Variants in GCN1 observed in about 807,000 individuals in gnomAD.
GCN1 encodes the protein stalled ribosome sensor GCN1.
Under a neutral mutation model 288.4 loss-of-function variants are expected in GCN1, and 90 were observed. The observed-to-expected ratio is 0.31, with a 90% CI of 0.26 to 0.37. GCN1 has a LOEUF of 0.37. Among genes scored for constraint, GCN1 ranks in the 10% least tolerant of loss-of-function variants. The pLI is 1.00. For missense variants in GCN1, 2,586 were observed against 3,419.9 expected, an observed-to-expected ratio of 0.76 and a Z score of 6.08; for synonymous variants, 1,386 against 1,420.2, an observed-to-expected ratio of 0.98 and a Z score of 0.54.
chr12:120,184,613 T>C (rs1878764977), intron 3 of GCN1, among the ~76,000 whole-genome samples: 1 of 151,986 alleles, frequency 6.6e-6, no homozygotes, highest in African/African-American at 2.4e-5. Flanking sequence ...CAACCACCCA[T>C]GAGATAGAGA....
intron 34 of GCN1, among the ~76,000 whole-genome samples, chr12:120,150,362 T>C (rs1390156137): frequency 6.6e-6 from 1 of 151,904 alleles, no homozygotes; most frequent in Non-Finnish European, 1.5e-5. Context: ...TTTGGGAGGC[T>C]GAGGCAGGCA....
Position 120,161,757 on chromosome 12 carries a change from C to T in GCN1, c.2342+123G>A, listed in dbSNP as rs532125030. 6.5e-5 allele frequency: 67 copies of T among 1,035,274 alleles called. 1 individual carries two copies. Among genetic ancestry groups the T allele is most frequent in the South Asian group, 5.4e-4 (37 of 68,858 alleles). 64.1% of individuals were successfully genotyped at this position (1,035,274 alleles called of 1,614,324 possible). ...AGCACCGTGCCGGGGACACAACAGG[C>T]GCTTAGCCAATGAATGGATAGGCTG... is the stretch of plus-strand genomic sequence containing the variant. On this transcript the variant is annotated intron_variant, in intron 21 of 57. Coordinates refer to ENST00000300648, the MANE Select transcript of GCN1 (RefSeq NM_006836.2).
In GCN1 at chr12:120,130,711, T is replaced by C; in HGVS notation, c.7606A>G (p.Met2536Val). 6.2e-7 allele frequency: 1 copy of C among 1,612,224 alleles called. No homozygotes were observed. The highest frequency in any genetic ancestry group is 8.5e-7 in the Non-Finnish European group (1 of 1,178,346). The change falls in exon 56 of 58, where the codon ATG becomes GTG. Residue 2536 changes from methionine (M) to valine (V), a missense_variant. Physicochemically the swap from Met to Val is conservative, Grantham distance 21. Coordinates refer to ENST00000300648, the MANE Select transcript of GCN1 (RefSeq NM_006836.2). The part of the protein sequence containing the change: ...VSGVRGMGFL[M>V]RHHIETGGGQ... ...CCGCCTGTCTCGATGTGGTGTCTCA[T>C]GAGAAAGCCCATGCCCCGGACCCCG...
At position 120,175,209 on chromosome 12, in the gene GCN1, G is replaced by A. The variant is rs749959129; in HGVS notation, c.1046C>T (p.Ser349Leu). 21 of 1,610,722 alleles carry A rather than the reference G, an allele frequency of 1.3e-5. No individual in the cohort carries two copies. The highest frequency in any genetic ancestry group is 3.3e-5 in the Admixed American group (2 of 59,830). The part of the protein sequence containing the change: ...TKHLFAILGG[S>L]EGKLTVVAQK... ...GGCTACAACAGTTAGTTTTCCTTCC[G>A]AGCCTGAGAAGAGAGACAGCAAAGA... Residue 349 changes from serine (S) to leucine (L), a missense_variant, in exon 12 of 58, where the codon TCG becomes TTG. By Grantham distance (145) the Ser-to-Leu change is moderately radical. Transcript: ENST00000300648.
In GCN1 at chr12:120,155,142, G is replaced by A. The variant is rs1594271770; in HGVS notation, c.3630+99C>T. The A allele has an allele frequency of 1.3e-5, 20 of 1,520,146 alleles. No homozygotes were observed. Among genetic ancestry groups the A allele is most frequent in the Admixed American group, 3.4e-5 (2 of 59,682 alleles). The allele number at this position is 1,520,146 out of a possible 1,614,324, so 94.2% of individuals were successfully genotyped here. A position where few individuals can be genotyped will look rare whatever the true frequency, so the allele number is the denominator to read the frequency against. On this transcript the variant is annotated intron_variant, in intron 30 of 57. Coordinates refer to ENST00000300648, the MANE Select transcript of GCN1 (RefSeq NM_006836.2). The surrounding 1 kb of genome is among the most constrained non-coding windows in gnomAD (Gnocchi z 4.9). ...CTAGCCGCAGCTACCCTGAGCCACC[G>A]TGAGCCCCGAGATTCCTGTCTGGAG...
chr12:120,174,216 A>G, intron 12 of GCN1, 47 bp from the exon 13 acceptor site: 1 of 1,105,418 alleles, frequency 9.0e-7, no homozygotes, highest in Non-Finnish European at 1.4e-6. Flanking sequence ...ACAGAACCAC[A>G]GAGGCAAGTC....
intron 20 of GCN1, 31 bp from the exon 21 acceptor site, chr12:120,162,089 G>A: frequency 4.4e-6 from 7 of 1,600,164 alleles, no homozygotes; most frequent in Non-Finnish European, 4.3e-6. Context: ...TGGTCAGTGT[G>A]TGCCAAGGCT....
At position 120,194,590 on chromosome 12, in the gene GCN1, C is replaced by T. The variant is rs1879111061; in HGVS notation, c.18+90G>A. ...CTCCACAGCCACCACCTCCAACGCC[C>T]CTAAGCCGAGGAGCGAGAGGGGCCC... On this transcript the variant is annotated intron_variant, in intron 1 of 57. Transcript: ENST00000300648. 6 of 1,226,132 alleles carry T rather than the reference C, an allele frequency of 4.9e-6. No individual in the cohort carries two copies. In the Admixed American group the frequency reaches 6.4e-5, roughly 13 times the overall value. 76.0% of individuals were successfully genotyped at this position (1,226,132 alleles called of 1,614,324 possible). A position where few individuals can be genotyped will look rare whatever the true frequency, so the allele number is the denominator to read the frequency against.
intron 51 of GCN1, among the ~76,000 whole-genome samples, chr12:120,135,522 C>T (rs1031532734): frequency 6.6e-6 from 1 of 152,110 alleles, no homozygotes; most frequent in African/African-American, 2.4e-5. Context: ...CGCCACAATG[C>T]CCGGCTAATT....
chr12:120,164,847 G>A (rs543937611), intron 16 of GCN1, 126 bp from the exon 17 acceptor site: 6 of 568,200 alleles, frequency 1.1e-5, no homozygotes, highest in African/African-American at 1.9e-5. Context: ...ATTATCACTC[G>A]AAGTGAAATT....
intron 34 of GCN1, 128 bp from the exon 35 acceptor site, chr12:120,150,171 A>T: frequency 1.2e-6 from 1 of 839,606 alleles, no homozygotes. Flanking sequence ...CAGCTGTGGA[A>T]CTAGTAGATG....
chr12:120,163,144 C>T lies in GCN1; in HGVS notation c.1964G>A (p.Gly655Glu). 1 of 1,614,212 alleles carries T rather than the reference C, an allele frequency of 6.2e-7. No homozygotes were observed. The highest frequency in any genetic ancestry group is 8.5e-7 in the Non-Finnish European group (1 of 1,180,038). ...EALCVISGVP[G>E]LKGDVTDTEQ... is the part of the protein sequence containing the mutation. Reference sequence around the variant, plus strand: ...AGTGTCGGTGACATCACCCTTGAGCCCTGGCACACCGGAGATGACACACAG... The same window carrying T: ...AGTGTCGGTGACATCACCCTTGAGCTCTGGCACACCGGAGATGACACACAG... Residue 655 changes from glycine to glutamate, a missense_variant, in exon 19 of 58, where the codon GGG becomes GAG. Transcript: ENST00000300648.
chr12:120,138,695 C>T lies in GCN1; in HGVS notation c.6156G>A (p.Leu2052=). The change falls in exon 46 of 58, where the codon CTG becomes CTA. Residue 2052 remains leucine (L), a splice_region_variant and synonymous_variant. Coordinates refer to ENST00000300648, the MANE Select transcript of GCN1 (RefSeq NM_006836.2). ...EDILPFLLKQ[L]DDEEVSEFAL... is the part of the protein sequence containing the mutation. ...GTAGGTGTGTGGTAGATCCACTCACCAGCTGCTTTAGTAAAAATGGGAGAA... is the reference window on the plus strand; with the variant it reads ...GTAGGTGTGTGGTAGATCCACTCACTAGCTGCTTTAGTAAAAATGGGAGAA... 1 of 1,612,816 alleles carries T rather than the reference C, an allele frequency of 6.2e-7. No homozygotes were observed. Among genetic ancestry groups the T allele is most frequent in the Non-Finnish European group, 8.5e-7 (1 of 1,179,032 alleles).
rs772250793 is a variant in GCN1 at position 120,134,606 on chromosome 12, T to A, written c.7129A>T (p.Ile2377Phe). Reference sequence around the variant, plus strand: ...AAGAGGGGGTCCACCTTAATGTGGATGGAAATGAGCTTCCCCAGAGCATCT... The same window carrying A: ...AAGAGGGGGTCCACCTTAATGTGGAAGGAAATGAGCTTCCCCAGAGCATCT... ...AADALGKLIS[I>F]HIKVDPLFTE... The change falls in exon 52 of 58, where the codon ATC becomes TTC. Residue 2377 changes from isoleucine to phenylalanine, a missense_variant. Physicochemically the swap from Ile to Phe is conservative, Grantham distance 21 (BLOSUM62 0). Coordinates refer to ENST00000300648, the MANE Select transcript of GCN1 (RefSeq NM_006836.2). This position sits in a 1 kb window ranked among gnomAD's most constrained non-coding sequence, Gnocchi z 5.0. 3 of 1,614,074 alleles carry A rather than the reference T, an allele frequency of 1.9e-6. No homozygotes were observed. The highest frequency in any genetic ancestry group is 2.5e-6 in the Non-Finnish European group (3 of 1,179,968).
Position 120,158,088 on chromosome 12 carries a change from C to T in GCN1, c.2906-58G>A, listed in dbSNP as rs1877810684. 6.5e-7 allele frequency: 1 copy of T among 1,528,602 alleles called. No homozygotes were observed. The highest frequency in any genetic ancestry group is 1.7e-5 in the Admixed American group (1 of 58,000). The allele number at this position is 1,528,602 out of a possible 1,614,324, so 94.7% of individuals were successfully genotyped here. A position where few individuals can be genotyped will look rare whatever the true frequency, so the allele number is the denominator to read the frequency against. ...GGCAGGGCAGGGACCCGGGCCACTGCTGCCTATTTCTATCCTCAGGGAAAG... is the reference window on the plus strand; with the variant it reads ...GGCAGGGCAGGGACCCGGGCCACTGTTGCCTATTTCTATCCTCAGGGAAAG... On this transcript the variant is annotated intron_variant, in intron 25 of 57. Transcript: ENST00000300648. The surrounding 1 kb of genome is among the most constrained non-coding windows in gnomAD (Gnocchi z 4.3).
At chr12:120,132,456 C>T (rs996024823) in intron 53 of GCN1, among the ~76,000 whole-genome samples, 1 of 152,138 alleles carries the variant, frequency 6.6e-6, no homozygotes, top group African/African-American at 2.4e-5. Context: ...CGGCTAGAGA[C>T]GGCCACTCTG....
chr12:120,130,205 G>C (rs916226478), intron 56 of GCN1, among the ~76,000 whole-genome samples: 3 of 152,090 alleles, frequency 2.0e-5, no homozygotes, highest in Non-Finnish European at 4.4e-5. Flanking sequence ...CATATCACAC[G>C]GGCCACAGGA....
chr12:120,137,760 G>C lies in GCN1; in HGVS notation c.6448C>G (p.Arg2150Gly). The change falls in exon 49 of 58, where the codon CGG becomes GGG. Residue 2150 changes from arginine to glycine, a missense_variant. Arg to Gly is a moderately radical substitution (Grantham distance 125). Coordinates refer to ENST00000300648, the MANE Select transcript of GCN1 (RefSeq NM_006836.2). The surrounding 1 kb of genome is among the most constrained non-coding windows in gnomAD (Gnocchi z 5.2). ...TCCAGCAGATCCTCGATGATGATCC[G>C]GTGCCCTGTGTCATCCTCTACGGAG... is the stretch of plus-strand genomic sequence containing the variant. ...ILSVEDDTGH[R>G]IIIEDLLEAT... 1 of 1,613,900 alleles carries C rather than the reference G, an allele frequency of 6.2e-7. No individual in the cohort carries two copies. Among genetic ancestry groups the C allele is most frequent in the Non-Finnish European group, 8.5e-7 (1 of 1,179,836 alleles).
rs1239836649 is a variant in GCN1 at position 120,144,771 on chromosome 12, C to T, written c.5220G>A (p.Val1740=). Residue 1740 remains valine, a synonymous_variant, in exon 41 of 58, where the codon GTG becomes GTA. Coordinates refer to ENST00000300648, the MANE Select transcript of GCN1 (RefSeq NM_006836.2). The surrounding 1 kb of genome is among the most constrained non-coding windows in gnomAD (Gnocchi z 4.7). ...EKLEKLMPEI[V]ATASKVDIAP... The stretch of plus-strand genomic sequence containing the variant: ...CAATGTCCACTTTGCTGGCTGTAGC[C>T]ACGATTTCTGGCATCAACTTCTCCA... The T allele has an allele frequency of 1.9e-6, 3 of 1,614,024 alleles. No homozygotes were observed. In the African/African-American group the frequency reaches 4.0e-5, roughly 22 times the overall value.
Sources: gnomAD v4.1 joint callset for allele counts (sites outside exome capture counted in the v4.1 genomes callset) on GRCh38, gnomAD v4.1.1 for gene constraint, Gnocchi (gnomAD v3.1) non-coding constraint, MANE v1.5 for transcripts, NCBI Gene and HGNC (gene_info 2026-07-23, HGNC 2026-07-21) for gene names.